KLHL32: variants seen among roughly 807,000 people sequenced by gnomAD.
KLHL32 encodes the protein kelch-like protein 32.
In KLHL32, 35 loss-of-function variants were observed where a neutral mutation model predicts 64.8. That is an observed-to-expected ratio of 0.54 (90% confidence interval 0.41 to 0.72). KLHL32 has a LOEUF of 0.72. Ranked by LOEUF, KLHL32 falls within the 30% of genes least tolerant of loss-of-function variation. KLHL32 has a pLI of 0.00. For missense variants in KLHL32, 589 were observed against 768.5 expected (o/e 0.77, Z 2.76); for synonymous variants, 259 against 281.0 (o/e 0.92, Z 0.78).
At chr6:96,998,430 AG>A (rs1460528206) in intron 3 of KLHL32, among the ~76,000 whole-genome samples, 1 of 152,194 alleles carries the variant, frequency 6.6e-6, no homozygotes, top group Non-Finnish European at 1.5e-5. Flanking sequence ...TTTCAGAAAA[AG>A]AATTAATAAA....
the KLHL32 span, among the ~76,000 whole-genome samples, chr6:96,904,689 C>T: frequency 2.6e-5 from 4 of 151,870 alleles, no homozygotes; most frequent in Admixed American, 6.6e-5. Context: ...AAAGAATAGC[C>T]AATAGATTTT....
chr6:96,997,808 A>G (rs1168161448), intron 3 of KLHL32, among the ~76,000 whole-genome samples: 1 of 152,216 alleles, frequency 6.6e-6, no homozygotes, highest in African/African-American at 2.4e-5. Context: ...ACTACAAAAC[A>G]TACAAACAAC....
chr6:97,110,034 T>C (rs1796913877), intron 6 of KLHL32, among the ~76,000 whole-genome samples: 1 of 152,088 alleles, frequency 6.6e-6, no homozygotes. Flanking sequence ...TGCTGAACAA[T>C]CTCCCCAGAA....
intron 3 of KLHL32, among the ~76,000 whole-genome samples, chr6:96,988,948 C>G (rs577904938): frequency 6.6e-6 from 1 of 150,812 alleles, no homozygotes; most frequent in Non-Finnish European, 1.5e-5. Context: ...ACACTGGGGC[C>G]TGTTGTGGGG....
chr6:97,110,696 A>G (rs755656817), intron 6 of KLHL32, among the ~76,000 whole-genome samples: 7 of 152,248 alleles, frequency 4.6e-5, no homozygotes, highest in Non-Finnish European at 1.0e-4. Flanking sequence ...TCCTGATTCC[A>G]TGGTTCAAAA....
chr6:96,967,865 C>A (rs1221036136), intron 2 of KLHL32, among the ~76,000 whole-genome samples: 1 of 152,118 alleles, frequency 6.6e-6, no homozygotes, highest in Non-Finnish European at 1.5e-5. Context: ...TGCCCTGAGG[C>A]AGGAAGGAGC....
intron 7 of KLHL32, among the ~76,000 whole-genome samples, chr6:97,120,902 T>C (rs564983581): frequency 6.6e-6 from 1 of 152,286 alleles, no homozygotes; most frequent in Non-Finnish European, 1.5e-5. Context: ...CCCCAATCTT[T>C]CCTACCTCCC....
At chr6:97,116,636 G>T (rs1027764338) in intron 7 of KLHL32, among the ~76,000 whole-genome samples, 2 of 152,042 alleles carry the variant, frequency 1.3e-5, no homozygotes, top group African/African-American at 4.8e-5. Flanking sequence ...GAATGCTGGG[G>T]TTTCCCTTAC....
intron 5 of KLHL32, among the ~76,000 whole-genome samples, chr6:97,066,024 A>G (rs1029139502): frequency 6.6e-6 from 1 of 152,074 alleles, no homozygotes; most frequent in African/African-American, 2.4e-5. Flanking sequence ...TCCTCTCAAT[A>G]TTGTTACGTG....
chr6:96,913,419 G>T, the KLHL32 span, among the ~76,000 whole-genome samples: 3 of 152,134 alleles, frequency 2.0e-5, no homozygotes, highest in Admixed American at 2.0e-4. Context: ...ATACCCAGTG[G>T]TTTGCTGGCA....
intron 6 of KLHL32, among the ~76,000 whole-genome samples, chr6:97,097,236 G>A (rs1450555382): frequency 2.6e-5 from 4 of 152,156 alleles, no homozygotes; most frequent in African/African-American, 4.8e-5. Context: ...GCCTGGTGCG[G>A]TTTCATCAGA....
At chr6:97,074,878 A>G (rs1307202316) in intron 5 of KLHL32, among the ~76,000 whole-genome samples, 1 of 151,114 alleles carries the variant, frequency 6.6e-6, no homozygotes, top group East Asian at 1.9e-4. Flanking sequence ...ATATATATAT[A>G]TATTAATTTC....
chr6:97,017,951 CTA>C (rs1781457200), intron 3 of KLHL32, among the ~76,000 whole-genome samples: 2 of 152,166 alleles, frequency 1.3e-5, no homozygotes, highest in Admixed American at 1.3e-4. Flanking sequence ...AATACACACA[CTA>C]TGCTGTGTCA....
chr6:97,138,509 G>A (rs1438770737), intron 10 of KLHL32, among the ~76,000 whole-genome samples: 1 of 152,008 alleles, frequency 6.6e-6, no homozygotes, highest in Non-Finnish European at 1.5e-5. Context: ...CAGCCTAGGT[G>A]ACAGAGCAAG....
intron 6 of KLHL32, among the ~76,000 whole-genome samples, chr6:97,104,353 T>G (rs1796125025): frequency 6.8e-6 from 1 of 146,744 alleles, no homozygotes; most frequent in Non-Finnish European, 1.5e-5. Flanking sequence ...TTGCAAGGGC[T>G]TTTCGCTTTT....
At chr6:97,136,261 C>A (rs925015342) in intron 10 of KLHL32, among the ~76,000 whole-genome samples, 1 of 152,144 alleles carries the variant, frequency 6.6e-6, no homozygotes, top group African/African-American at 2.4e-5. Flanking sequence ...GACCCTAATC[C>A]AAGCTCATTT....
At chr6:97,091,249 A>G (rs111883716) in intron 6 of KLHL32, among the ~76,000 whole-genome samples, 6,283 of 152,292 alleles carry the variant, frequency 0.041, 296 homozygotes, top group African/African-American at 0.12. Flanking sequence ...AAAAAAGAGC[A>G]TGACCATTCT....
chr6:97,073,556 T>C (rs898041440), intron 5 of KLHL32, among the ~76,000 whole-genome samples: 2 of 152,142 alleles, frequency 1.3e-5, no homozygotes, highest in Non-Finnish European at 2.9e-5. Flanking sequence ...AAGAAACAAT[T>C]GGAAAAGTCT....
At chr6:96,909,319 C>T in the KLHL32 span, among the ~76,000 whole-genome samples, 1 of 152,188 alleles carries the variant, frequency 6.6e-6, no homozygotes, top group Non-Finnish European at 1.5e-5. Context: ...ATTAACTGCT[C>T]TGTTCTGGAA....
Sources: gnomAD v4.1 joint callset for allele counts (sites outside exome capture counted in the v4.1 genomes callset) on GRCh38, gnomAD v4.1.1 for gene constraint, MANE v1.5 for transcripts, NCBI Gene and HGNC (gene_info 2026-07-23, HGNC 2026-07-21) for gene names.